Variants in ST6GAL2 observed in about 807,000 individuals in gnomAD.
ST6GAL2 encodes the protein beta-galactoside alpha-2,6-sialyltransferase 2.
Under a neutral mutation model 37.5 loss-of-function variants are expected in ST6GAL2, and 24 were observed. That is an observed-to-expected ratio of 0.64 (90% CI 0.46 to 0.90). The LOEUF (loss-of-function observed/expected upper bound fraction) is 0.90. Among genes scored for constraint, ST6GAL2 ranks in the 40% least tolerant of loss-of-function variants. ST6GAL2 has a pLI of 0.00. For synonymous variants in ST6GAL2, 306 were observed against 295.1 expected, an observed-to-expected ratio of 1.04 and a Z score of -0.38; for missense variants, 715 against 712.7, an observed-to-expected ratio of 1.00 and a Z score of -0.04.
At chr2:106,861,110 A>C (rs967955780) in intron 1 of ST6GAL2, among the ~76,000 whole-genome samples, 1 of 152,216 alleles carries the variant, frequency 6.6e-6, no homozygotes, top group African/African-American at 2.4e-5. Flanking sequence ...TCATCAGACT[A>C]TGAACATAAA....
At chr2:106,858,485 C>T (rs918925981) in intron 1 of ST6GAL2, among the ~76,000 whole-genome samples, 3 of 152,144 alleles carry the variant, frequency 2.0e-5, no homozygotes, top group Non-Finnish European at 4.4e-5. Flanking sequence ...AGAGTAATGT[C>T]AATTCTTGGC....
At chr2:106,877,837 A>AG (rs1345292598) in intron 1 of ST6GAL2, among the ~76,000 whole-genome samples, 2 of 152,260 alleles carry the variant, frequency 1.3e-5, no homozygotes, top group African/African-American at 4.8e-5. Flanking sequence ...TACTTAAAGG[A>AG]GAAACAAACC....
At position 106,845,971 on chromosome 2, in the gene ST6GAL2, C is replaced by T. The variant is rs567057686; in HGVS notation, c.-57-1937G>A. ...TCCCTAAGCTTAGCCCAGCATGCAT[C>T]GAGGAAGCCCAAGCTAGGAAAGTCC... On this transcript the variant is annotated intron_variant, in intron 1 of 5. Transcript: ENST00000409382. Among the ~76,000 whole-genome samples the T allele has an allele frequency of 4.6e-5, 7 of 152,238 alleles. No homozygotes were observed. The East Asian group carries it at 5.8e-4, about 13-fold the overall frequency.
chr2:106,807,096 T>G, intron 5 of ST6GAL2, 147 bp from the exon 6 acceptor site: 1 of 657,108 alleles, frequency 1.5e-6, no homozygotes, highest in Non-Finnish European at 2.6e-6. Context: ...ATGTTATAAC[T>G]TCCATTAAGT....
intron 1 of ST6GAL2, among the ~76,000 whole-genome samples, chr2:106,846,100 T>C (rs1302453587): frequency 6.6e-6 from 1 of 152,062 alleles, no homozygotes; most frequent in Non-Finnish European, 1.5e-5. Flanking sequence ...AAGAAGTCAT[T>C]CTGGATGTCC....
intron 4 of ST6GAL2, among the ~76,000 whole-genome samples, chr2:106,830,861 T>A (rs757306706): frequency 4.6e-5 from 7 of 152,182 alleles, no homozygotes; most frequent in Non-Finnish European, 7.3e-5. Flanking sequence ...ATATTCCAGT[T>A]TTTCATTGTG....
intron 2 of ST6GAL2, among the ~76,000 whole-genome samples, chr2:106,836,965 A>C (rs1378810791): frequency 6.7e-6 from 1 of 150,162 alleles, no homozygotes; most frequent in East Asian, 2.0e-4. Flanking sequence ...AAAAAAAAGA[A>C]TTGAAACACC....
chr2:106,858,740 C>T (rs1442673800), intron 1 of ST6GAL2, among the ~76,000 whole-genome samples: 2 of 152,024 alleles, frequency 1.3e-5, no homozygotes, highest in Non-Finnish European at 2.9e-5. Flanking sequence ...GACACTAGAG[C>T]CCTAGGTAAG....
intron 5 of ST6GAL2, chr2:106,825,001 C>T (rs1458519579): frequency 6.6e-6 from 1 of 152,096 alleles, no homozygotes; most frequent in African/African-American, 2.4e-5. Flanking sequence ...GAACTTGTTC[C>T]AAATGCAAAT....
intron 5 of ST6GAL2, among the ~76,000 whole-genome samples, chr2:106,811,975 C>A (rs1287772757): frequency 6.6e-6 from 1 of 152,164 alleles, no homozygotes; most frequent in South Asian, 2.1e-4. Context: ...GGACTGAATT[C>A]CCCCAGCAAT....
chr2:106,864,190 C>A (rs1002612160), intron 1 of ST6GAL2, among the ~76,000 whole-genome samples: 2 of 152,214 alleles, frequency 1.3e-5, no homozygotes, highest in Admixed American at 6.5e-5. Context: ...TCCTGTAATT[C>A]TTGTTACCTC....
In ST6GAL2 at chr2:106,843,015, G is replaced by GT; in HGVS notation, c.943+19dup. 1 of 1,371,574 alleles carries GT rather than the reference G, an allele frequency of 7.3e-7. No homozygotes were observed. Among genetic ancestry groups the GT allele is most frequent in the Non-Finnish European group, 9.4e-7 (1 of 1,058,736 alleles). The allele number at this position is 1,371,574 out of a possible 1,614,324, so 85.0% of individuals were successfully genotyped here. The stretch of plus-strand genomic sequence containing the variant: ...CACTGGCTCAAGACAGGGCGACCTG[G>GT]TCCCCCCGCTGAGACCTACCTATTT... On this transcript the variant is annotated intron_variant, in intron 2 of 5. Coordinates refer to ENST00000409382, the MANE Select transcript of ST6GAL2 (RefSeq NM_001142351.2).
At chr2:106,842,293 G>A (rs1676916611) in intron 2 of ST6GAL2, among the ~76,000 whole-genome samples, 1 of 152,200 alleles carries the variant, frequency 6.6e-6, no homozygotes, top group African/African-American at 2.4e-5. Context: ...TGGGAAACAT[G>A]TGCTCCAGGG....
At chr2:106,845,274 A>T (rs897589711) in intron 1 of ST6GAL2, among the ~76,000 whole-genome samples, 1 of 152,270 alleles carries the variant, frequency 6.6e-6, no homozygotes. Context: ...TGGAGTGCCT[A>T]CCTGGATGTC....
rs1675854852 is a variant in ST6GAL2, at chr2:106,817,721, C to T, written c.1319-10772G>A. 2.6e-5 allele frequency among the ~76,000 whole-genome samples: 4 copies of T among 152,286 alleles called. No homozygotes were observed. The South Asian group carries it at 8.3e-4, about 32-fold the overall frequency. On this transcript the variant is annotated intron_variant, in intron 5 of 5. Transcript: ENST00000409382. Reference sequence around the variant, plus strand: ...GAGTAAAGGGCACTTTGTCTTGCAGCAAAGGTACCAGCTTGGGCAAAGTGG... The same window carrying T: ...GAGTAAAGGGCACTTTGTCTTGCAGTAAAGGTACCAGCTTGGGCAAAGTGG...
At chr2:106,884,163 A>T (rs1678865406) in intron 1 of ST6GAL2, among the ~76,000 whole-genome samples, 1 of 152,110 alleles carries the variant, frequency 6.6e-6, no homozygotes, top group Non-Finnish European at 1.5e-5. Flanking sequence ...CACGTACAGG[A>T]ATTTTTTCAG....
intron 1 of ST6GAL2, among the ~76,000 whole-genome samples, chr2:106,875,564 A>G (rs750786495): frequency 3.3e-5 from 5 of 152,210 alleles, no homozygotes; most frequent in Non-Finnish European, 7.3e-5. Flanking sequence ...CACTCCAAGT[A>G]CAGACCAGCA....
intron 1 of ST6GAL2, among the ~76,000 whole-genome samples, chr2:106,877,421 C>T (rs992551778): frequency 5.9e-5 from 9 of 152,236 alleles, no homozygotes; most frequent in African/African-American, 9.6e-5. Flanking sequence ...TCCACACCTT[C>T]GTTGTGTGCA....
chr2:106,818,567 A>C (rs568985482), intron 5 of ST6GAL2, among the ~76,000 whole-genome samples: 3 of 152,314 alleles, frequency 2.0e-5, no homozygotes, highest in African/African-American at 7.2e-5. Context: ...CTTAGATCAT[A>C]ATACCATACT....
Sources: allele counts gnomAD v4.1 joint callset (sites outside exome capture counted in the v4.1 genomes callset), GRCh38; gene constraint gnomAD v4.1.1; transcripts MANE v1.5; gene names NCBI Gene and HGNC (gene_info 2026-07-23, HGNC 2026-07-21).